SBK3: variants seen among roughly 807,000 people sequenced by gnomAD.
SBK3 encodes uncharacterized serine/threonine-protein kinase SBK3.
In SBK3, 16 loss-of-function variants were observed where a neutral mutation model predicts 12.7. The observed-to-expected ratio is 1.26, with a 90% CI of 0.86 to 1.92. SBK3 has a LOEUF of 1.92. Ranked by LOEUF, SBK3 falls within the 40% of genes most tolerant of loss-of-function variation. The pLI is 0.00. For synonymous variants in SBK3, 217 were observed against 213.6 expected (o/e 1.02, Z -0.14); for missense variants, 462 against 481.8 (o/e 0.96, Z 0.38).
chr19:55,541,267 C>T lies in SBK3; in HGVS notation c.659G>A (p.Arg220Gln), dbSNP rs766412506. 1.6e-5 allele frequency: 24 copies of T among 1,535,822 alleles called. No homozygotes were observed. The East Asian group carries it at 2.0e-4, about 13-fold the overall frequency. Reference sequence around the variant, plus strand: ...CAGGCCCCAGGAGTCCACGGCTGGCCGCAGAGGCAGGGTGTCGGGCGGTAG... The same window carrying T: ...CAGGCCCCAGGAGTCCACGGCTGGCTGCAGAGGCAGGGTGTCGGGCGGTAG... ...LLLPPDTLPL[R>Q]PAVDSWGLGV... is the part of the protein sequence containing the mutation. The change falls in exon 4 of 4, where the codon CGG becomes CAG. Residue 220 changes from arginine (R) to glutamine (Q), a missense_variant. Transcript: ENST00000612221. The surrounding 1 kb of genome is among the most constrained non-coding windows in gnomAD (Gnocchi z 5.3).
chr19:55,543,967 T>G, intron 3 of SBK3, 133 bp downstream of exon 3: 2 of 641,434 alleles, frequency 3.1e-6, no homozygotes, highest in South Asian at 2.7e-5. Flanking sequence ...AAGGGGGAGG[T>G]CATGTGGGGG....
Position 55,540,894 on chromosome 19 carries a change from ATCACCC to A in SBK3, c.1026_1031del (p.Glu342_Gly343del), listed in dbSNP as rs1988545056. The A allele has an allele frequency of 4.6e-6, 7 of 1,536,070 alleles. No individual in the cohort carries two copies. The highest frequency in any genetic ancestry group is 6.1e-6 in the Non-Finnish European group (7 of 1,146,862). On this transcript the variant is annotated inframe_deletion, in exon 4 of 4. Coordinates refer to ENST00000612221, the MANE Select transcript of SBK3 (RefSeq NM_001199824.2). ...CCGTCCTCCCACCACTTTTGCTGTC[ATCACCC>A]TCATCTGTCCACTCCTCCAGGCTTG...
intron 3 of SBK3, among the ~76,000 whole-genome samples, chr19:55,543,734 G>T (rs1189375806): frequency 6.6e-6 from 1 of 151,798 alleles, no homozygotes; most frequent in Admixed American, 6.6e-5. Context: ...TACTCACGAT[G>T]AATCTATAAT....
chr19:55,540,905 C>A lies in SBK3; in HGVS notation c.1021G>T (p.Asp341Tyr), dbSNP rs1461719547. 2.0e-6 allele frequency: 3 copies of A among 1,536,112 alleles called. No homozygotes were observed. In the African/African-American group the frequency reaches 4.1e-5, roughly 21 times the overall value. Residue 341 changes from aspartate to tyrosine, a missense_variant, in exon 4 of 4, where the codon GAT becomes TAT. Physicochemically the swap from Asp to Tyr is radical, Grantham distance 160. Coordinates refer to ENST00000612221, the MANE Select transcript of SBK3 (RefSeq NM_001199824.2). ...CCACTTTTGCTGTCATCACCCTCAT[C>A]TGTCCACTCCTCCAGGCTTGAGCCT... ...EGGSSLEEWT[D>Y]EGDDSKSGGR...
In SBK3 at chr19:55,544,155, G is replaced by A. The variant is rs1452162058; in HGVS notation, c.344C>T (p.Ala115Val). 2 of 1,534,986 alleles carry A rather than the reference G, an allele frequency of 1.3e-6. No homozygotes were observed. Among genetic ancestry groups the A allele is most frequent in the African/African-American group, 1.4e-5 (1 of 73,022 alleles). Residue 115 changes from alanine (A) to valine (V), a missense_variant, in exon 3 of 4, where the codon GCC becomes GTC. By Grantham distance (64) the Ala-to-Val change is moderately conservative. Coordinates refer to ENST00000612221, the MANE Select transcript of SBK3 (RefSeq NM_001199824.2). The part of the protein sequence containing the change: ...AGPLQTPRYF[A>V]FAQEYAPCGD... ...ACAGGGCGCGTACTCCTGGGCGAAG[G>A]CAAAATAGCGGGGGGTCTGTAGGGG...
At position 55,543,096 on chromosome 19, in the gene SBK3, T is replaced by A. The variant is rs140795832; in HGVS notation, c.399+1004A>T. On this transcript the variant is annotated intron_variant, in intron 3 of 3. Transcript: ENST00000612221. Reference sequence around the variant, plus strand: ...ACTCACCCACCAAACCTTTCATCCATCCATCCACTCACCTACCAAACCTTT... The same window carrying A: ...ACTCACCCACCAAACCTTTCATCCAACCATCCACTCACCTACCAAACCTTT... Among the ~76,000 whole-genome samples, 617 of 125,738 alleles carry A rather than the reference T, an allele frequency of 4.9e-3. 8 individuals carry two copies. The highest frequency in any genetic ancestry group is 0.018 in the African/African-American group (590 of 32,678). 82.5% of individuals were successfully genotyped at this position (125,738 alleles called of 152,430 possible). A position where few individuals can be genotyped will look rare whatever the true frequency, so the allele number is the denominator to read the frequency against.
Position 55,541,546 on chromosome 19 carries a change from A to G in SBK3, c.400-20T>C. 2.7e-6 allele frequency: 4 copies of G among 1,484,942 alleles called. No homozygotes were observed. Among genetic ancestry groups the G allele is most frequent in the Non-Finnish European group, 3.6e-6 (4 of 1,116,204 alleles). 92.0% of individuals were successfully genotyped at this position (1,484,942 alleles called of 1,614,324 possible). ...GAGGCCCTGAGGTCAAGAAGACAGGAGGAGGGTCAGAGTGTCTTGGTTTTG... is the reference window on the plus strand; with the variant it reads ...GAGGCCCTGAGGTCAAGAAGACAGGGGGAGGGTCAGAGTGTCTTGGTTTTG... On this transcript the variant is annotated intron_variant, in intron 3 of 3. Transcript: ENST00000612221. This position sits in a 1 kb window ranked among gnomAD's most constrained non-coding sequence, Gnocchi z 5.3.
At chr19:55,542,561 AT>A (rs1988577494) in intron 3 of SBK3, among the ~76,000 whole-genome samples, 21 of 145,324 alleles carry the variant, frequency 1.4e-4, no homozygotes, top group Admixed American at 1.3e-3. Flanking sequence ...CCATCCATCC[AT>A]CCATCCACCA....
chr19:55,540,774 C>T lies in SBK3; in HGVS notation c.*72G>A. On this transcript the variant is annotated 3_prime_UTR_variant, in exon 4 of 4. Coordinates refer to ENST00000612221, the MANE Select transcript of SBK3 (RefSeq NM_001199824.2). ...GTCCTCCCGGGTGCAGCTGTCTCTC[C>T]ATCCAGGTGGCCCTGGGGGCTGGGG... is the stretch of plus-strand genomic sequence containing the variant. 1 of 1,296,080 alleles carries T rather than the reference C, an allele frequency of 7.7e-7. No homozygotes were observed. The allele number at this position is 1,296,080 out of a possible 1,614,324, so 80.3% of individuals were successfully genotyped here. A position where few individuals can be genotyped will look rare whatever the true frequency, so the allele number is the denominator to read the frequency against.
intron 3 of SBK3, among the ~76,000 whole-genome samples, chr19:55,542,584 C>T (rs116059500): frequency 0.062 from 9,276 of 149,216 alleles, 350 homozygotes; most frequent in Non-Finnish European, 0.084. Context: ...TCCTTCCTTC[C>T]GTCCATCCAT....
chr19:55,541,201 C>G lies in SBK3; in HGVS notation c.725G>C (p.Trp242Ser). Residue 242 changes from tryptophan to serine, a missense_variant, in exon 4 of 4, where the codon TGG becomes TCG. Physicochemically the swap from Trp to Ser is radical, Grantham distance 177. Transcript: ENST00000612221. This position sits in a 1 kb window ranked among gnomAD's most constrained non-coding sequence, Gnocchi z 5.3. ...AGGGTTGGGGGCCAGTGCCACGTCC[C>G]AAGGGAAACAGGCAGTGGCAGCACA... ...LFCAATACFP[W>S]DVALAPNPEF... 6.5e-7 allele frequency: 1 copy of G among 1,536,094 alleles called. No individual in the cohort carries two copies. Among genetic ancestry groups the G allele is most frequent in the Non-Finnish European group, 8.7e-7 (1 of 1,146,892 alleles).
At chr19:55,543,071 A>G (rs1782846816) in intron 3 of SBK3, among the ~76,000 whole-genome samples, 1 of 111,568 alleles carries the variant, frequency 9.0e-6, no homozygotes, top group Non-Finnish European at 1.8e-5. Flanking sequence ...CCATCCATCC[A>G]CTCACCCACC....
rs1019558946 is a variant in SBK3 at position 55,545,170 on chromosome 19, C to T, written c.46-221G>A. 2.6e-5 allele frequency: 15 copies of T among 580,220 alleles called. No homozygotes were observed. The highest frequency in any genetic ancestry group is 2.1e-4 in the African/African-American group (11 of 52,844). 35.9% of individuals were successfully genotyped at this position (580,220 alleles called of 1,614,324 possible). A position where few individuals can be genotyped will look rare whatever the true frequency, so the allele number is the denominator to read the frequency against. ...TCACTGCCACAGAGGCCCCGCCTGC[C>T]CCTGTCTGTGGGAGCAGGCCAGGAG... On this transcript the variant is annotated intron_variant, in intron 1 of 3. Coordinates refer to ENST00000612221, the MANE Select transcript of SBK3 (RefSeq NM_001199824.2). The surrounding 1 kb of genome is among the most constrained non-coding windows in gnomAD (Gnocchi z 4.4).
intron 1 of SBK3, 45 bp from the exon 2 acceptor site, chr19:55,544,994 A>G: frequency 6.8e-7 from 1 of 1,462,406 alleles, no homozygotes; most frequent in Non-Finnish European, 9.1e-7. Flanking sequence ...TCTGGGGTCC[A>G]CTGAGAGTGG....
At chr19:55,542,679 C>T (rs1449799712) in intron 3 of SBK3, among the ~76,000 whole-genome samples, 1 of 150,982 alleles carries the variant, frequency 6.6e-6, no homozygotes, top group African/African-American at 2.4e-5. Context: ...ATCCACCCAC[C>T]CACCTATCCA....
Position 55,541,542 on chromosome 19 carries a change from C to G in SBK3, c.400-16G>C. The stretch of plus-strand genomic sequence containing the variant: ...CTGGGAGGCCCTGAGGTCAAGAAGA[C>G]AGGAGGAGGGTCAGAGTGTCTTGGT... On this transcript the variant is annotated splice_polypyrimidine_tract_variant and intron_variant, in intron 3 of 3. Transcript: ENST00000612221. The surrounding 1 kb of genome is among the most constrained non-coding windows in gnomAD (Gnocchi z 5.3). 6.7e-7 allele frequency: 1 copy of G among 1,490,654 alleles called. No individual in the cohort carries two copies. Among genetic ancestry groups the G allele is most frequent in the Non-Finnish European group, 8.9e-7 (1 of 1,119,748 alleles). 92.3% of individuals were successfully genotyped at this position (1,490,654 alleles called of 1,614,324 possible).
At position 55,545,124 on chromosome 19, in the gene SBK3, G is replaced by T. The variant is rs1278420543; in HGVS notation, c.46-175C>A. The stretch of plus-strand genomic sequence containing the variant: ...ACCCGGACTCGGGCCACCTGTTTTT[G>T]TGTCCTGGAGAGGTTAGGGGTCACT... On this transcript the variant is annotated intron_variant, in intron 1 of 3. Transcript: ENST00000612221. The surrounding 1 kb of genome is among the most constrained non-coding windows in gnomAD (Gnocchi z 4.4). 3 of 599,152 alleles carry T rather than the reference G, an allele frequency of 5.0e-6. No homozygotes were observed. The African/African-American group carries it at 5.6e-5, about 11-fold the overall frequency. 37.1% of individuals were successfully genotyped at this position (599,152 alleles called of 1,614,324 possible).
At chr19:55,542,066 C>G (rs1340942761) in intron 3 of SBK3, among the ~76,000 whole-genome samples, 2 of 152,184 alleles carry the variant, frequency 1.3e-5, no homozygotes, top group African/African-American at 2.4e-5. Flanking sequence ...TAATCTTAGT[C>G]TTGTATGAGT....
In SBK3 at chr19:55,540,793, G is replaced by A; in HGVS notation, c.*53C>T. 6.8e-7 allele frequency: 1 copy of A among 1,470,350 alleles called. No individual in the cohort carries two copies. Among genetic ancestry groups the A allele is most frequent in the Non-Finnish European group, 9.2e-7 (1 of 1,086,958 alleles). 91.1% of individuals were successfully genotyped at this position (1,470,350 alleles called of 1,614,324 possible). ...TCTCTCCATCCAGGTGGCCCTGGGG[G>A]CTGGGGGAAGGGCCTCTGGCCCAGG... On this transcript the variant is annotated 3_prime_UTR_variant, in exon 4 of 4. Transcript: ENST00000612221.
Sources: allele counts gnomAD v4.1 joint callset (sites outside exome capture counted in the v4.1 genomes callset), GRCh38; gene constraint gnomAD v4.1.1; non-coding constraint Gnocchi (gnomAD v3.1); transcripts MANE v1.5; gene names NCBI Gene and HGNC (gene_info 2026-07-23, HGNC 2026-07-21).